The following WWC1 variants were observed in gnomAD, a reference collection of about 807,000 sequenced individuals.
WWC1 encodes protein KIBRA.
Under a neutral mutation model 138.4 loss-of-function variants are expected in WWC1, and 55 were observed. The observed-to-expected ratio is 0.40, with a 90% CI of 0.32 to 0.50. The LOEUF (loss-of-function observed/expected upper bound fraction) is 0.50. Ranked by LOEUF, WWC1 falls within the 20% of genes least tolerant of loss-of-function variation. The pLI is 0.72. For missense variants in WWC1, 1,226 were observed against 1,420.4 expected (o/e 0.86, Z 2.20); for synonymous variants, 524 against 564.9 (o/e 0.93, Z 1.03).
chr5:168,299,617 C>A (rs891128147), intron 1 of WWC1, among the ~76,000 whole-genome samples: 4 of 152,182 alleles, frequency 2.6e-5, no homozygotes, highest in Admixed American at 6.5e-5. Flanking sequence ...CAAACTGACC[C>A]AATTTTCCAA....
At chr5:168,325,143 G>A (rs1772425772) in intron 1 of WWC1, among the ~76,000 whole-genome samples, 1 of 152,330 alleles carries the variant, frequency 6.6e-6, no homozygotes, top group African/African-American at 2.4e-5. Flanking sequence ...TCTGTGCATA[G>A]CATTGAGACC....
chr5:168,295,578 A>G (rs1769471110), intron 1 of WWC1, among the ~76,000 whole-genome samples: 1 of 151,402 alleles, frequency 6.6e-6, no homozygotes, highest in Non-Finnish European at 1.5e-5. Flanking sequence ...ATTCCCCTGA[A>G]TTTAAAAGAA....
intron 1 of WWC1, among the ~76,000 whole-genome samples, chr5:168,317,409 C>T (rs367612630): frequency 2.0e-5 from 3 of 152,246 alleles, no homozygotes; most frequent in Admixed American, 6.5e-5. Flanking sequence ...TCCTGGAGCT[C>T]GCAGCCAGAT....
At chr5:168,348,578 A>G (rs1774673885) in intron 1 of WWC1, among the ~76,000 whole-genome samples, 1 of 152,168 alleles carries the variant, frequency 6.6e-6, no homozygotes, top group African/African-American at 2.4e-5. Flanking sequence ...GAGGAGAGCC[A>G]CACACATTTG....
At chr5:168,401,688 T>C (rs1779323366) in intron 5 of WWC1, among the ~76,000 whole-genome samples, 1 of 152,252 alleles carries the variant, frequency 6.6e-6, no homozygotes, top group Non-Finnish European at 1.5e-5. Context: ...TTATAAATTA[T>C]GGCTTTCTGT....
rs1018715632 is a variant in WWC1, at chr5:168,464,938, G to A, written c.3126G>A (p.Leu1042=). The stretch of plus-strand genomic sequence containing the variant: ...TGCGTGAGGACGAGCGTTTCCGCCT[G>A]CTGCTGAGGATGCTGGAGAAGCGGG... ...QWLREDERFR[L]LLRMLEKRQM... is the part of the protein sequence containing the mutation. Residue 1042 remains leucine, a synonymous_variant, in exon 21 of 23, where the codon CTG becomes CTA. Coordinates refer to ENST00000265293, the MANE Select transcript of WWC1 (RefSeq NM_015238.3). 26 of 1,614,004 alleles carry A rather than the reference G, an allele frequency of 1.6e-5. No individual in the cohort carries two copies. The Admixed American group carries it at 2.7e-4, about 17-fold the overall frequency.
intron 9 of WWC1, among the ~76,000 whole-genome samples, chr5:168,421,030 GCCCC>G (rs1329077648): frequency 6.6e-6 from 1 of 152,112 alleles, no homozygotes; most frequent in Non-Finnish European, 1.5e-5. Context: ...GCAAGAAACA[GCCCC>G]CAAAGTCTCC....
intron 13 of WWC1, 62 bp from the exon 14 acceptor site, chr5:168,430,075 G>A (rs1327382793): frequency 3.0e-6 from 4 of 1,344,762 alleles, no homozygotes; most frequent in Admixed American, 3.5e-5. Flanking sequence ...TTAATGGAGA[G>A]AAGGAATGAG....
At chr5:168,315,934 T>A (rs1771547856) in intron 1 of WWC1, among the ~76,000 whole-genome samples, 1 of 152,104 alleles carries the variant, frequency 6.6e-6, no homozygotes, top group Non-Finnish European at 1.5e-5. Flanking sequence ...TAAGCTCAGA[T>A]CCCTGTCTGT....
chr5:168,441,971 AGGGAAG>A, intron 16 of WWC1, 137 bp downstream of exon 16: 1 of 1,284,062 alleles, frequency 7.8e-7, no homozygotes, highest in Non-Finnish European at 1.0e-6. Flanking sequence ...AGAAGAAGAC[AGGGAAG>A]GAGAGATCTC....
Position 168,408,513 on chromosome 5 carries a change from GC to G in WWC1, c.729del (p.Met244CysfsTer2). ...KEKQDLIKSL[A>X]MLKDGFRTDR... Reference sequence around the variant, plus strand: ...CTGCTCTCCCCTCCTTCAGAGCCTTGCCATGTTGAAGGACGGCTTCCGCACT... The same window carrying G: ...CTGCTCTCCCCTCCTTCAGAGCCTTGCATGTTGAAGGACGGCTTCCGCACT... On this transcript the variant is annotated frameshift_variant, in exon 7 of 23. Transcript: ENST00000265293. LOFTEE classifies it high-confidence loss of function. The G allele has an allele frequency of 6.2e-7, 1 of 1,614,052 alleles. No individual in the cohort carries two copies. The highest frequency in any genetic ancestry group is 1.1e-5 in the South Asian group (1 of 91,036).
intron 1 of WWC1, among the ~76,000 whole-genome samples, chr5:168,362,151 A>G (rs1485522238): frequency 6.6e-6 from 1 of 151,998 alleles, no homozygotes; most frequent in Non-Finnish European, 1.5e-5. Flanking sequence ...CTGTGTACTC[A>G]TGTGCTGTTT....
At position 168,422,115 on chromosome 5, in the gene WWC1, A is replaced by G. The variant is rs764034708; in HGVS notation, c.1274+18A>G. On this transcript the variant is annotated intron_variant, in intron 10 of 22. Transcript: ENST00000265293. The stretch of plus-strand genomic sequence containing the variant: ...CTGAAAAGGTGAGTGGTGGGCGGTG[A>G]GGCCACTGCTCCCCTGGGCATGGCC... 6.2e-7 allele frequency: 1 copy of G among 1,610,558 alleles called. No individual in the cohort carries two copies. The highest frequency in any genetic ancestry group is 1.1e-5 in the South Asian group (1 of 90,660).
At chr5:168,415,305 G>A (rs1026715771) in intron 9 of WWC1, 9 of 152,086 alleles carry the variant, frequency 5.9e-5, no homozygotes, top group South Asian at 2.1e-4. Context: ...CAAAAGAGTC[G>A]TTCAGATTTT....
At chr5:168,426,839 T>C (rs1450989880) in intron 11 of WWC1, among the ~76,000 whole-genome samples, 2 of 152,192 alleles carry the variant, frequency 1.3e-5, no homozygotes, top group Non-Finnish European at 2.9e-5. Flanking sequence ...AGCTGTGAGG[T>C]TGTAAGATCT....
At chr5:168,365,970 G>T (rs1281247506) in intron 1 of WWC1, among the ~76,000 whole-genome samples, 1 of 152,202 alleles carries the variant, frequency 6.6e-6, no homozygotes, top group Non-Finnish European at 1.5e-5. Context: ...GTGGTGAATT[G>T]CTTCACCCGA....
At chr5:168,328,773 G>C (rs1038024209) in intron 1 of WWC1, among the ~76,000 whole-genome samples, 5 of 152,086 alleles carry the variant, frequency 3.3e-5, no homozygotes, top group African/African-American at 1.2e-4. Context: ...CTGACCTCGT[G>C]ATCTGCCCGC....
chr5:168,450,954 G>A (rs4976611), intron 17 of WWC1, among the ~76,000 whole-genome samples: 2 of 151,802 alleles, frequency 1.3e-5, no homozygotes, highest in East Asian at 1.9e-4. Context: ...GATTCATAGC[G>A]CAAATATACT....
At chr5:168,403,343 C>T (rs1430543554) in intron 5 of WWC1, among the ~76,000 whole-genome samples, 1 of 152,018 alleles carries the variant, frequency 6.6e-6, no homozygotes, top group Admixed American at 6.6e-5. Context: ...GTGATCTGCC[C>T]ACCTGGGCCT....
Sources: gnomAD v4.1 joint callset for allele counts (sites outside exome capture counted in the v4.1 genomes callset) on GRCh38, gnomAD v4.1.1 for gene constraint, MANE v1.5 for transcripts, NCBI Gene and HGNC (gene_info 2026-07-23, HGNC 2026-07-21) for gene names.